The following MAML3 variants were observed in gnomAD, a reference collection of about 807,000 sequenced individuals.
MAML3 encodes mastermind like transcriptional coactivator 3.
In MAML3, 27 loss-of-function variants were observed where a neutral mutation model predicts 101.9. That is an observed-to-expected ratio of 0.27 (90% CI 0.20 to 0.37). MAML3 has a LOEUF of 0.37. MAML3 is among the 10% of genes least tolerant of loss of function. The pLI, the probability that MAML3 is intolerant of heterozygous loss-of-function variation, is 1.00. For synonymous variants in MAML3, 501 were observed against 555.9 expected, an observed-to-expected ratio of 0.90 and a Z score of 1.39; for missense variants, 1,316 against 1,444.9, an observed-to-expected ratio of 0.91 and a Z score of 1.45.
chr4:140,031,237 AT>A (rs1490163469), intron 1 of MAML3, among the ~76,000 whole-genome samples: 2 of 152,232 alleles, frequency 1.3e-5, no homozygotes, highest in Non-Finnish European at 2.9e-5. Context: ...TCATTCTATG[AT>A]TTAAATATTT....
At chr4:140,083,057 T>C (rs1317620901) in intron 1 of MAML3, among the ~76,000 whole-genome samples, 1 of 152,218 alleles carries the variant, frequency 6.6e-6, no homozygotes, top group Non-Finnish European at 1.5e-5. Flanking sequence ...GTATTCTTTC[T>C]ATGAATAGTT....
intron 2 of MAML3, among the ~76,000 whole-genome samples, chr4:139,853,925 G>A (rs777921723): frequency 6.6e-6 from 1 of 151,852 alleles, no homozygotes; most frequent in Non-Finnish European, 1.5e-5. Flanking sequence ...GGGTTCAAGC[G>A]ATTCTCTTGC....
chr4:139,962,785 T>C (rs1578618903), intron 1 of MAML3, among the ~76,000 whole-genome samples: 1 of 152,196 alleles, frequency 6.6e-6, no homozygotes, highest in Admixed American at 6.5e-5. Flanking sequence ...TGTAGCAGCA[T>C]AACATGTAAA....
chr4:139,825,524 G>C (rs1731046752), intron 2 of MAML3, among the ~76,000 whole-genome samples: 1 of 152,160 alleles, frequency 6.6e-6, no homozygotes, highest in Non-Finnish European at 1.5e-5. Context: ...CCGTGGCCAT[G>C]TGTGTTTTTG....
At chr4:139,840,331 G>A (rs1465797173) in intron 2 of MAML3, among the ~76,000 whole-genome samples, 2 of 152,230 alleles carry the variant, frequency 1.3e-5, no homozygotes, top group African/African-American at 4.8e-5. Flanking sequence ...CACTGGACTT[G>A]CAAACTAGGT....
chr4:139,725,001 C>T (rs764401889), intron 4 of MAML3, among the ~76,000 whole-genome samples: 82 of 152,198 alleles, frequency 5.4e-4, no homozygotes, highest in Non-Finnish European at 7.2e-4. Flanking sequence ...TCAAGTGATC[C>T]GTCCACCTCA....
chr4:139,950,405 C>T (rs533048558), intron 1 of MAML3, among the ~76,000 whole-genome samples: 7 of 152,086 alleles, frequency 4.6e-5, no homozygotes, highest in Non-Finnish European at 1.0e-4. Context: ...ACTTGCCAGC[C>T]CCCACAGTCA....
intron 2 of MAML3, among the ~76,000 whole-genome samples, chr4:139,867,549 A>G (rs570150436): frequency 1.3e-5 from 2 of 152,336 alleles, no homozygotes; most frequent in African/African-American, 2.4e-5. Flanking sequence ...CATTTGGCCA[A>G]TGAGGAAACT....
chr4:140,004,472 C>A (rs1277430350), intron 1 of MAML3, among the ~76,000 whole-genome samples: 4 of 152,054 alleles, frequency 2.6e-5, no homozygotes, highest in African/African-American at 9.7e-5. Context: ...TCCTTCTGAG[C>A]GTCTACTTCA....
At chr4:139,888,177 C>T (rs1349731516) in intron 2 of MAML3, among the ~76,000 whole-genome samples, 2 of 149,272 alleles carry the variant, frequency 1.3e-5, no homozygotes, top group South Asian at 2.2e-4. Context: ...CTTGGGGTTT[C>T]GGGGGTGGGG....
At chr4:139,764,688 G>A (rs900443062) in intron 2 of MAML3, among the ~76,000 whole-genome samples, 3 of 152,216 alleles carry the variant, frequency 2.0e-5, no homozygotes, top group East Asian at 1.9e-4. Flanking sequence ...TACTGGAAAC[G>A]CGGGGAAAGA....
chr4:139,804,410 G>A (rs919765373), intron 2 of MAML3, among the ~76,000 whole-genome samples: 1 of 152,020 alleles, frequency 6.6e-6, no homozygotes, highest in African/African-American at 2.4e-5. Context: ...GAGATTACAG[G>A]TGCCCGCCAC....
chr4:139,730,301 A>T, intron 3 of MAML3, 115 bp downstream of exon 3: 1 of 907,900 alleles, frequency 1.1e-6, no homozygotes, highest in Non-Finnish European at 1.7e-6. Flanking sequence ...GGGAAATGCT[A>T]GACCGTGAGC....
At chr4:139,816,323 G>C (rs533240735) in intron 2 of MAML3, among the ~76,000 whole-genome samples, 4 of 152,164 alleles carry the variant, frequency 2.6e-5, no homozygotes, top group Non-Finnish European at 5.9e-5. Flanking sequence ...TGAAAGTGCC[G>C]AGGGATAAAA....
At chr4:140,066,897 T>C (rs1470496852) in intron 1 of MAML3, among the ~76,000 whole-genome samples, 2 of 152,222 alleles carry the variant, frequency 1.3e-5, no homozygotes, top group Non-Finnish European at 2.9e-5. Flanking sequence ...GCAAATCTTT[T>C]AGTGCCAATT....
intron 2 of MAML3, among the ~76,000 whole-genome samples, chr4:139,808,283 C>T (rs1460171561): frequency 1.3e-5 from 2 of 152,224 alleles, no homozygotes; most frequent in African/African-American, 2.4e-5. Flanking sequence ...CCTGGGGGAG[C>T]CCCCCACCAA....
At chr4:139,880,905 A>G (rs1018588621) in intron 2 of MAML3, among the ~76,000 whole-genome samples, 3 of 152,194 alleles carry the variant, frequency 2.0e-5, no homozygotes, top group Non-Finnish European at 2.9e-5. Flanking sequence ...TGACATAAAT[A>G]TTTAAGAACA....
intron 2 of MAML3, among the ~76,000 whole-genome samples, chr4:139,834,515 A>G (rs1731225098): frequency 2.0e-5 from 3 of 152,230 alleles, no homozygotes. Flanking sequence ...GGTGCGTTGC[A>G]GTCACTGGGA....
intron 1 of MAML3, among the ~76,000 whole-genome samples, chr4:140,074,215 A>AAGAGAGAGAGAGAGAGAGAAAGAAAG (rs1284116922): frequency 1.9e-5 from 2 of 107,248 alleles, no homozygotes; most frequent in African/African-American, 5.7e-5. Context: ...GAAAGAAAGA[A>AAGAGAGAGAGAGAGAGAGAAAGAAAG]AGAAAGAAAG....
Sources: allele counts gnomAD v4.1 joint callset (sites outside exome capture counted in the v4.1 genomes callset), GRCh38; gene constraint gnomAD v4.1.1; transcripts MANE v1.5; gene names NCBI Gene and HGNC (gene_info 2026-07-23, HGNC 2026-07-21).